The following LY86 variants were observed in gnomAD, a reference collection of about 807,000 sequenced individuals.
LY86 encodes lymphocyte antigen 86, also known as MD-1, RP105-associated.
In LY86, 20 loss-of-function variants were observed where a neutral mutation model predicts 17.3. That is an observed-to-expected ratio of 1.15 (90% CI 0.81 to 1.68). LY86 has a LOEUF of 1.68. Among genes scored for constraint, LY86 ranks in the 40% most tolerant of loss-of-function variants. The probability of loss-of-function intolerance (pLI) is 0.00; values close to 1 mark genes in which losing one functional copy is unlikely to be tolerated. For synonymous variants in LY86, 74 were observed against 70.6 expected, an observed-to-expected ratio of 1.05 and a Z score of -0.24; for missense variants, 200 against 191.9, an observed-to-expected ratio of 1.04 and a Z score of -0.25.
chr6:6,602,039 G>A (rs1760926895), intron 1 of LY86, among the ~76,000 whole-genome samples: 1 of 152,226 alleles, frequency 6.6e-6, no homozygotes, highest in Non-Finnish European at 1.5e-5. Context: ...GTTTAGCCAG[G>A]TCATGCCTTT....
intron 3 of LY86, among the ~76,000 whole-genome samples, chr6:6,647,715 T>A (rs1363749395): frequency 6.6e-6 from 1 of 152,206 alleles, no homozygotes; most frequent in Non-Finnish European, 1.5e-5. Context: ...CTTGGTTGGC[T>A]TCTCCTCAAC....
chr6:6,634,838 T>G (rs1231449696), intron 3 of LY86, among the ~76,000 whole-genome samples: 1 of 152,202 alleles, frequency 6.6e-6, no homozygotes, highest in Admixed American at 6.5e-5. Flanking sequence ...ATGAAGGGAA[T>G]TTGGGGGGAG....
chr6:6,594,569 A>C (rs1760641239), intron 1 of LY86, among the ~76,000 whole-genome samples: 1 of 152,194 alleles, frequency 6.6e-6, no homozygotes, highest in African/African-American at 2.4e-5. Context: ...AAGAGTAGGA[A>C]GGAATCTCTT....
intron 1 of LY86, among the ~76,000 whole-genome samples, chr6:6,594,880 A>G (rs1341622285): frequency 6.6e-6 from 1 of 152,210 alleles, no homozygotes; most frequent in East Asian, 1.9e-4. Context: ...GCATTTTAAT[A>G]AAGTAATATA....
intron 3 of LY86, among the ~76,000 whole-genome samples, chr6:6,626,908 C>T (rs1212401449): frequency 6.6e-6 from 1 of 152,156 alleles, no homozygotes; most frequent in Non-Finnish European, 1.5e-5. Context: ...GAGTTACACT[C>T]GAAGTAGAGA....
intron 4 of LY86, among the ~76,000 whole-genome samples, chr6:6,651,540 A>C (rs1375107264): frequency 6.6e-6 from 1 of 151,188 alleles, no homozygotes; most frequent in Non-Finnish European, 1.5e-5. Context: ...AGGGCCCTAA[A>C]CTCTCCCAGA....
At chr6:6,621,752 C>G (rs554029676) in intron 1 of LY86, among the ~76,000 whole-genome samples, 4 of 152,272 alleles carry the variant, frequency 2.6e-5, no homozygotes, top group African/African-American at 9.6e-5. Flanking sequence ...CAAATAACCA[C>G]TACTATTCAT....
At chr6:6,622,477 C>T (rs935447433) in intron 1 of LY86, among the ~76,000 whole-genome samples, 1 of 152,194 alleles carries the variant, frequency 6.6e-6, no homozygotes. Flanking sequence ...TCTCCAACCC[C>T]CTGCTCCTAT....
intron 1 of LY86, among the ~76,000 whole-genome samples, chr6:6,604,867 G>A (rs1761047737): frequency 6.7e-6 from 1 of 148,524 alleles, no homozygotes; most frequent in Non-Finnish European, 1.5e-5. Flanking sequence ...AGTTGCAAGA[G>A]AAATTACCTA....
chr6:6,593,017 GTTA>G (rs1404231751), intron 1 of LY86, among the ~76,000 whole-genome samples: 3 of 152,240 alleles, frequency 2.0e-5, no homozygotes, highest in African/African-American at 7.2e-5. Flanking sequence ...TAGATCTCAT[GTTA>G]TTGTTTGTAA....
chr6:6,650,331 C>T (rs1762167945), intron 4 of LY86, among the ~76,000 whole-genome samples: 1 of 141,600 alleles, frequency 7.1e-6, no homozygotes, highest in Admixed American at 7.5e-5. Context: ...TGCTACCCCT[C>T]AGATAATGGT....
At chr6:6,616,903 A>G (rs1211475136) in intron 1 of LY86, among the ~76,000 whole-genome samples, 2 of 152,246 alleles carry the variant, frequency 1.3e-5, no homozygotes, top group Non-Finnish European at 2.9e-5. Context: ...CAGACATGAA[A>G]TACAACAGGT....
chr6:6,615,806 C>T (rs1186832075), intron 1 of LY86, among the ~76,000 whole-genome samples: 3 of 151,004 alleles, frequency 2.0e-5, no homozygotes, highest in Non-Finnish European at 4.4e-5. Context: ...GTAGGAGGAT[C>T]GCTTGAATCC....
At chr6:6,638,935 C>G (rs1474686263) in intron 3 of LY86, among the ~76,000 whole-genome samples, 4 of 151,638 alleles carry the variant, frequency 2.6e-5, no homozygotes, top group African/African-American at 9.7e-5. Flanking sequence ...GGTATATACC[C>G]AAAGGACTAT....
intron 1 of LY86, among the ~76,000 whole-genome samples, chr6:6,612,412 A>C (rs896634526): frequency 1.6e-4 from 24 of 152,176 alleles, no homozygotes; most frequent in African/African-American, 5.3e-4. Flanking sequence ...ACCTAGTCTC[A>C]CTGGCCTCAT....
At chr6:6,606,393 A>G (rs750261139) in intron 1 of LY86, among the ~76,000 whole-genome samples, 1 of 152,186 alleles carries the variant, frequency 6.6e-6, no homozygotes, top group Non-Finnish European at 1.5e-5. Flanking sequence ...CAGACTCAGG[A>G]TCCCAGCTGG....
chr6:6,642,789 G>A (rs1007566373), intron 3 of LY86, among the ~76,000 whole-genome samples: 15 of 152,192 alleles, frequency 9.9e-5, no homozygotes, highest in Non-Finnish European at 1.8e-4. Context: ...TGGTTCTCTC[G>A]GGAAATACCC....
intron 1 of LY86, among the ~76,000 whole-genome samples, chr6:6,592,903 A>G (rs566721878): frequency 3.3e-5 from 5 of 152,380 alleles, no homozygotes; most frequent in African/African-American, 9.6e-5. Context: ...GGGAAATCAT[A>G]AAGGCAGGAG....
At chr6:6,614,967 G>A (rs1183261340) in intron 1 of LY86, among the ~76,000 whole-genome samples, 1 of 152,196 alleles carries the variant, frequency 6.6e-6, no homozygotes, top group Non-Finnish European at 1.5e-5. Flanking sequence ...CTAAGCGGAG[G>A]CGGCTGCCTC....
Sources: allele counts gnomAD v4.1 joint callset (sites outside exome capture counted in the v4.1 genomes callset), GRCh38; gene constraint gnomAD v4.1.1; transcripts MANE v1.5; gene names NCBI Gene and HGNC (gene_info 2026-07-23, HGNC 2026-07-21).